The following LAMA4 variants were observed in gnomAD, a reference collection of about 807,000 sequenced individuals.
LAMA4 encodes laminin subunit alpha-4.
In LAMA4, 127 loss-of-function variants were observed where a neutral mutation model predicts 207.1. The ratio of observed to expected loss-of-function variants is 0.61; its 90% CI spans 0.53 to 0.71. The LOEUF (loss-of-function observed/expected upper bound fraction) is 0.71, where lower values mean the gene tolerates loss of function less well. Among genes scored for constraint, LAMA4 ranks in the 30% least tolerant of loss-of-function variants. LAMA4 has a pLI of 0.00. For synonymous variants in LAMA4, 761 were observed against 816.0 expected (o/e 0.93, Z 1.15); for missense variants, 2,093 against 2,246.5 (o/e 0.93, Z 1.38).
At chr6:112,173,687 TTTACA>T (rs1781854021) in intron 11 of LAMA4, among the ~76,000 whole-genome samples, 1 of 152,218 alleles carries the variant, frequency 6.6e-6, no homozygotes, top group Non-Finnish European at 1.5e-5. Flanking sequence ...TTTCTAAGAC[TTTACA>T]TATTTGCCAC....
At chr6:112,135,001 A>G (rs1779256986) in intron 25 of LAMA4, among the ~76,000 whole-genome samples, 1 of 152,094 alleles carries the variant, frequency 6.6e-6, no homozygotes, top group Non-Finnish European at 1.5e-5. Context: ...CACATATTTT[A>G]TGTATACAAT....
chr6:112,127,997 T>G lies in LAMA4; in HGVS notation c.4287+925A>C, dbSNP rs563020982. ...GATAATGGAGTAGCTTTAGCTGATGTCACAGACCAACTGTGCATGTGAGTG... is the reference window on the plus strand; with the variant it reads ...GATAATGGAGTAGCTTTAGCTGATGGCACAGACCAACTGTGCATGTGAGTG... On this transcript the variant is annotated intron_variant, in intron 31 of 38. Coordinates refer to ENST00000230538, the MANE Select transcript of LAMA4 (RefSeq NM_001105206.3). 3.3e-4 allele frequency among the ~76,000 whole-genome samples: 51 copies of G among 152,264 alleles called. 1 individual carries two copies. Among genetic ancestry groups the G allele is most frequent in the Admixed American group, 6.5e-4 (10 of 15,284 alleles).
At chr6:112,187,824 G>A (rs1310375793) in intron 7 of LAMA4, among the ~76,000 whole-genome samples, 2 of 152,132 alleles carry the variant, frequency 1.3e-5, no homozygotes, top group African/African-American at 4.8e-5. Flanking sequence ...GCTTTTCTCA[G>A]TATTCAGGGG....
At chr6:112,194,003 G>T (rs1339113148) in intron 5 of LAMA4, among the ~76,000 whole-genome samples, 1 of 152,224 alleles carries the variant, frequency 6.6e-6, no homozygotes, top group East Asian at 1.9e-4. Flanking sequence ...AGATGGGGAT[G>T]AATGTAAATT....
rs782640387 is a variant in LAMA4 at position 112,148,325 on chromosome 6, G to C, written c.2185C>G (p.Gln729Glu). ...ATCAGTCTAGACTGCCCCAGGCGCT[G>C]CTGGGCATCCCCTTTACACAGAGCA... ...LQAAERGDAQQRLGQSRLITE... is the reference protein window; with the variant it reads ...LQAAERGDAQERLGQSRLITE... The change falls in exon 18 of 39, where the codon CAG becomes GAG. Residue 729 changes from glutamine (Q) to glutamate (E), a missense_variant. Transcript: ENST00000230538. The C allele has an allele frequency of 3.1e-6, 5 of 1,614,134 alleles. No homozygotes were observed. In the Admixed American group the frequency reaches 8.3e-5, roughly 27 times the overall value.
intron 11 of LAMA4, among the ~76,000 whole-genome samples, chr6:112,174,039 A>T (rs1781873219): frequency 6.6e-6 from 1 of 152,246 alleles, no homozygotes; most frequent in South Asian, 2.1e-4. Context: ...GAATTTAAAT[A>T]GTGTCATGAG....
intron 12 of LAMA4, among the ~76,000 whole-genome samples, chr6:112,167,840 TCACACA>T (rs71021873): frequency 0.067 from 8,386 of 125,740 alleles, 389 homozygotes; most frequent in African/African-American, 0.13. Context: ...ATGCATACCA[TCACACA>T]CACACACACA....
intron 12 of LAMA4, among the ~76,000 whole-genome samples, chr6:112,169,073 C>T (rs1781564545): frequency 6.6e-6 from 1 of 152,170 alleles, no homozygotes; most frequent in African/African-American, 2.4e-5. Context: ...GAGGAATTTA[C>T]CTTTCTTAAG....
chr6:112,238,501 G>GGA (rs1786103021), intron 2 of LAMA4, among the ~76,000 whole-genome samples: 1 of 152,082 alleles, frequency 6.6e-6, no homozygotes, highest in African/African-American at 2.4e-5. Context: ...CTTGAGGTCA[G>GGA]GAGTTCGAGA....
At chr6:112,145,168 C>T (rs967138665) in intron 18 of LAMA4, among the ~76,000 whole-genome samples, 3 of 152,208 alleles carry the variant, frequency 2.0e-5, no homozygotes, top group African/African-American at 7.2e-5. Flanking sequence ...GGTGCATACT[C>T]CATTTGTTAT....
intron 9 of LAMA4, among the ~76,000 whole-genome samples, chr6:112,184,417 T>C (rs781801194): frequency 1.3e-5 from 2 of 152,136 alleles, no homozygotes; most frequent in African/African-American, 2.4e-5. Flanking sequence ...CATGGATGGA[T>C]GTTTTTCCAT....
At chr6:112,240,751 A>G (rs1412884883) in intron 2 of LAMA4, among the ~76,000 whole-genome samples, 2 of 152,138 alleles carry the variant, frequency 1.3e-5, no homozygotes, top group Non-Finnish European at 2.9e-5. Flanking sequence ...ATAGTACTCT[A>G]TTGTGTATAT....
Position 112,155,562 on chromosome 6 carries a change from C to T in LAMA4, c.1959+3G>A, listed in dbSNP as rs782020351. ...GTATAAAGAACTTTCAGGGAATACT[C>T]ACATCATAAATTCGGTCAGTGGTGT... is the stretch of plus-strand genomic sequence containing the variant. On this transcript the variant is annotated splice_donor_region_variant and intron_variant, in intron 15 of 38. Coordinates refer to ENST00000230538, the MANE Select transcript of LAMA4 (RefSeq NM_001105206.3). 3 of 1,614,114 alleles carry T rather than the reference C, an allele frequency of 1.9e-6. No homozygotes were observed. The highest frequency in any genetic ancestry group is 2.5e-6 in the Non-Finnish European group (3 of 1,179,980).
At chr6:112,172,858 T>C in intron 11 of LAMA4, 54 bp from the exon 12 acceptor site, 1 of 1,489,334 alleles carries the variant, frequency 6.7e-7, no homozygotes, top group South Asian at 1.2e-5. Context: ...TTCGCTTCCA[T>C]TCCTCCCAGC....
At chr6:112,253,636 G>A (rs1787620613) in intron 2 of LAMA4, 1 of 1,058,294 alleles carries the variant, frequency 9.4e-7, no homozygotes, top group Non-Finnish European at 1.4e-6. Flanking sequence ...TGACTACTGG[G>A]ACACGCAAGT....
intron 37 of LAMA4, 98 bp from the exon 38 acceptor site, chr6:112,114,293 C>A (rs1777883930): frequency 7.9e-7 from 1 of 1,258,086 alleles, no homozygotes; most frequent in Admixed American, 1.7e-5. Flanking sequence ...TTTATTTATT[C>A]CAGAATAAAA....
At chr6:112,227,069 ATT>A (rs1785259382) in intron 2 of LAMA4, among the ~76,000 whole-genome samples, 4 of 150,442 alleles carry the variant, frequency 2.7e-5, no homozygotes, top group African/African-American at 9.8e-5. Context: ...TTATTTATTT[ATT>A]TATTTATTTA....
At chr6:112,211,969 G>A (rs1199628122) in intron 3 of LAMA4, among the ~76,000 whole-genome samples, 1 of 152,110 alleles carries the variant, frequency 6.6e-6, no homozygotes, top group Non-Finnish European at 1.5e-5. Context: ...CTGTGTCAGT[G>A]GTCAGGGAGG....
chr6:112,184,282 C>T (rs1782549585), intron 9 of LAMA4, among the ~76,000 whole-genome samples: 1 of 141,434 alleles, frequency 7.1e-6, no homozygotes. Flanking sequence ...TGGAAAGCGG[C>T]AATTCTGAAG....
Sources: allele counts gnomAD v4.1 joint callset (sites outside exome capture counted in the v4.1 genomes callset), GRCh38; gene constraint gnomAD v4.1.1; transcripts MANE v1.5; gene names NCBI Gene and HGNC (gene_info 2026-07-23, HGNC 2026-07-21).